ESRRG: variants seen among roughly 807,000 people sequenced by gnomAD.
ESRRG encodes the protein estrogen related receptor gamma.
Under a neutral mutation model 44.0 loss-of-function variants are expected in ESRRG, and 13 were observed. That is an observed-to-expected ratio of 0.30 (90% CI 0.19 to 0.47). The LOEUF (loss-of-function observed/expected upper bound fraction) is 0.47, where lower values mean the gene tolerates loss of function less well. Among genes scored for constraint, ESRRG ranks in the 20% least tolerant of loss-of-function variants. The probability of loss-of-function intolerance (pLI) is 1.00; values close to 1 mark genes in which losing one functional copy is unlikely to be tolerated. For missense variants in ESRRG, 395 were observed against 580.6 expected (o/e 0.68, Z 3.29); for synonymous variants, 215 against 214.6 (o/e 1.00, Z -0.02).
chr1:216,608,028 C>T (rs2060156445), intron 3 of ESRRG, among the ~76,000 whole-genome samples: 1 of 152,166 alleles, frequency 6.6e-6, no homozygotes, highest in Non-Finnish European at 1.5e-5. Context: ...AACCATTATT[C>T]AGTAAAATGG....
chr1:216,788,394 T>C lies in ESRRG; in HGVS notation c.-13-110903A>G, dbSNP rs150321127. Among the ~76,000 whole-genome samples, 8 of 152,274 alleles carry C rather than the reference T, an allele frequency of 5.3e-5. No individual in the cohort carries two copies. The East Asian group carries it at 1.5e-3, about 29-fold the overall frequency. ...AGAATGATCCTAAATCTACTCTTCC[T>C]ATATTCTATCAGTGCAACAACAAAG... On this transcript the variant is annotated intron_variant, in intron 2 of 7. Transcript: ENST00000359162.
intron 2 of ESRRG, among the ~76,000 whole-genome samples, chr1:216,829,121 T>A (rs755412715): frequency 2.8e-4 from 43 of 152,228 alleles, no homozygotes; most frequent in Admixed American, 9.8e-4. Context: ...ATAGAATGGC[T>A]GTGAAAATCA....
chr1:216,895,183 T>C (rs181899770), intron 2 of ESRRG, among the ~76,000 whole-genome samples: 9 of 152,342 alleles, frequency 5.9e-5, no homozygotes, highest in African/African-American at 1.7e-4. Flanking sequence ...AATTTTTTAA[T>C]AAGTGCACTG....
chr1:216,588,697 T>G (rs2057114015), intron 3 of ESRRG, among the ~76,000 whole-genome samples: 1 of 152,166 alleles, frequency 6.6e-6, no homozygotes, highest in African/African-American at 2.4e-5. Context: ...TTTTTCTAAT[T>G]CCAAGTCCTC....
intron 1 of ESRRG, among the ~76,000 whole-genome samples, chr1:216,988,639 G>C (rs1007289372): frequency 6.6e-5 from 10 of 152,116 alleles, no homozygotes; most frequent in Admixed American, 2.0e-4. Context: ...TTCCTCTTTA[G>C]GGGTAGCTAC....
intron 5 of ESRRG, among the ~76,000 whole-genome samples, chr1:216,531,198 C>T (rs1223520719): frequency 4.6e-5 from 7 of 152,090 alleles, no homozygotes; most frequent in Non-Finnish European, 8.8e-5. Context: ...GACCCTGAAA[C>T]TCCACACTCA....
chr1:216,782,976 C>T (rs1038170014), intron 2 of ESRRG, among the ~76,000 whole-genome samples: 5 of 151,894 alleles, frequency 3.3e-5, no homozygotes, highest in African/African-American at 1.2e-4. Flanking sequence ...TACTTGGATG[C>T]CCTCTGTTCA....
At chr1:216,528,832 C>T (rs535103322) in intron 5 of ESRRG, among the ~76,000 whole-genome samples, 31 of 152,028 alleles carry the variant, frequency 2.0e-4, no homozygotes, top group Non-Finnish European at 3.5e-4. Context: ...ATACATAAGG[C>T]GTCCCCTTCT....
chr1:216,869,149 T>C (rs2096221623), intron 2 of ESRRG, among the ~76,000 whole-genome samples: 1 of 152,198 alleles, frequency 6.6e-6, no homozygotes, highest in African/African-American at 2.4e-5. Context: ...CCCTAGATAA[T>C]GATAGTTTTC....
At chr1:216,821,745 A>G (rs1340909522) in intron 2 of ESRRG, among the ~76,000 whole-genome samples, 1 of 149,576 alleles carries the variant, frequency 6.7e-6, no homozygotes, top group Non-Finnish European at 1.5e-5. Flanking sequence ...AATAAATAAA[A>G]TTTAATTTAA....
intron 5 of ESRRG, among the ~76,000 whole-genome samples, chr1:216,544,198 A>G (rs1235872259): frequency 6.6e-6 from 1 of 151,936 alleles, no homozygotes; most frequent in Non-Finnish European, 1.5e-5. Flanking sequence ...TGTCATTATT[A>G]TTTTTTCATC....
chr1:216,824,813 G>T (rs1946752), intron 2 of ESRRG, among the ~76,000 whole-genome samples: 1 of 152,114 alleles, frequency 6.6e-6, no homozygotes, highest in Non-Finnish European at 1.5e-5. Context: ...CAAATTTGTC[G>T]CAGATTTTTA....
chr1:216,695,984 A>G (rs905792362), intron 1 of ESRRG, among the ~76,000 whole-genome samples: 2 of 152,214 alleles, frequency 1.3e-5, no homozygotes, highest in African/African-American at 4.8e-5. Context: ...AGATCGTTGA[A>G]GATGCTGGCA....
intron 2 of ESRRG, among the ~76,000 whole-genome samples, chr1:216,774,129 C>A (rs1576394282): frequency 6.6e-6 from 1 of 152,084 alleles, no homozygotes; most frequent in African/African-American, 2.4e-5. Context: ...CAAACATGGA[C>A]TTCTTGATAT....
chr1:216,908,228 T>A (rs1269740084), intron 2 of ESRRG, among the ~76,000 whole-genome samples: 1 of 152,156 alleles, frequency 6.6e-6, no homozygotes. Flanking sequence ...GCCCACTGTG[T>A]CTTGGTATTA....
intron 1 of ESRRG, among the ~76,000 whole-genome samples, chr1:217,047,286 A>T (rs760550239): frequency 2.6e-5 from 4 of 152,138 alleles, no homozygotes; most frequent in Non-Finnish European, 4.4e-5. Flanking sequence ...GTCCACTTGG[A>T]TGTCTCATAG....
chr1:216,526,926 T>C (rs2149046497), intron 5 of ESRRG, among the ~76,000 whole-genome samples: 1 of 152,270 alleles, frequency 6.6e-6, no homozygotes, highest in East Asian at 1.9e-4. Context: ...AACTAGAAGG[T>C]AGAAAAAGTA....
intron 2 of ESRRG, among the ~76,000 whole-genome samples, chr1:216,808,905 C>T (rs2094882097): frequency 6.6e-6 from 1 of 151,868 alleles, no homozygotes; most frequent in African/African-American, 2.4e-5. Flanking sequence ...AAGAATTTTC[C>T]TCCTATTTTT....
intron 5 of ESRRG, among the ~76,000 whole-genome samples, chr1:216,541,081 G>A (rs1228180444): frequency 1.3e-5 from 2 of 151,962 alleles, no homozygotes; most frequent in Non-Finnish European, 2.9e-5. Flanking sequence ...TAGGTGGAAA[G>A]CTTTTCCCAC....
Sources: gnomAD v4.1 joint callset for allele counts (sites outside exome capture counted in the v4.1 genomes callset) on GRCh38, gnomAD v4.1.1 for gene constraint, MANE v1.5 for transcripts, NCBI Gene and HGNC (gene_info 2026-07-23, HGNC 2026-07-21) for gene names.